Variants in SLC12A2 observed in about 807,000 individuals in gnomAD.
The protein encoded by SLC12A2 is Na-K-2Cl cotransporter 1.
SLC12A2 carries 67 observed loss-of-function variants against 136.3 expected under a neutral mutation model. The ratio of observed to expected loss-of-function variants is 0.49; its 90% CI spans 0.40 to 0.60. SLC12A2 has a LOEUF of 0.60. SLC12A2 is among the 20% of genes least tolerant of loss of function. SLC12A2 has a pLI of 0.00. For missense variants in SLC12A2, 1,322 were observed against 1,534.7 expected, an observed-to-expected ratio of 0.86 and a Z score of 2.32; for synonymous variants, 619 against 562.9, an observed-to-expected ratio of 1.10 and a Z score of -1.41.
In SLC12A2 at chr5:128,133,160, A is replaced by G. The variant is rs1045906611; in HGVS notation, c.1189-1005A>G. Among the ~76,000 whole-genome samples the G allele has an allele frequency of 2.0e-5, 3 of 152,238 alleles. No homozygotes were observed. In the East Asian group the frequency reaches 5.8e-4, roughly 29 times the overall value. The stretch of plus-strand genomic sequence containing the variant: ...TCAAGAGATGTCGAAATCAAATTTA[A>G]AAAAACACTAAAAAATTTTTTTGCA... On this transcript the variant is annotated intron_variant, in intron 5 of 26. Coordinates refer to ENST00000262461, the MANE Select transcript of SLC12A2 (RefSeq NM_001046.3).
intron 4 of SLC12A2, among the ~76,000 whole-genome samples, chr5:128,119,180 A>G (rs747696961): frequency 3.3e-5 from 5 of 152,216 alleles, no homozygotes; most frequent in Non-Finnish European, 7.3e-5. Flanking sequence ...AGCTAGAATT[A>G]TCCAGAGGAC....
intron 23 of SLC12A2, 39 bp downstream of exon 23, chr5:128,181,033 C>CACTTCATT: frequency 9.1e-7 from 1 of 1,093,126 alleles, no homozygotes; most frequent in Non-Finnish European, 1.4e-6. Context: ...AATCTATTAG[C>CACTTCATT]ACTTCATTGC....
At chr5:128,182,427 C>T (rs1012830335) in intron 23 of SLC12A2, among the ~76,000 whole-genome samples, 3 of 152,076 alleles carry the variant, frequency 2.0e-5, no homozygotes, top group Non-Finnish European at 4.4e-5. Context: ...ACTATATCTT[C>T]AGTATGGCCC....
intron 1 of SLC12A2, among the ~76,000 whole-genome samples, chr5:128,106,028 C>CT (rs1760922308): frequency 6.6e-6 from 1 of 152,080 alleles, no homozygotes; most frequent in African/African-American, 2.4e-5. Flanking sequence ...CCATTCTTTC[C>CT]TTTATCTCTT....
rs1763040303 is a variant in SLC12A2 at position 128,161,644 on chromosome 5, A to C, written c.2476-16A>C. On this transcript the variant is annotated splice_polypyrimidine_tract_variant and intron_variant, in intron 16 of 26. Coordinates refer to ENST00000262461, the MANE Select transcript of SLC12A2 (RefSeq NM_001046.3). The stretch of plus-strand genomic sequence containing the variant: ...TACCTTTTAATTAAATATATTATTA[A>C]TATTTTTATTCAAAGGGTCCTCGAA... The C allele has an allele frequency of 7.5e-7, 1 of 1,341,122 alleles. No individual in the cohort carries two copies. 83.1% of individuals were successfully genotyped at this position (1,341,122 alleles called of 1,614,324 possible).
intron 1 of SLC12A2, among the ~76,000 whole-genome samples, chr5:128,097,679 G>A (rs1760594011): frequency 6.6e-6 from 1 of 152,004 alleles, no homozygotes. Flanking sequence ...TTTTAAAACA[G>A]TACTTTCTCT....
intron 17 of SLC12A2, among the ~76,000 whole-genome samples, 165 bp from the exon 18 acceptor site, chr5:128,167,596 G>A (rs537162710): frequency 3.2e-4 from 48 of 152,030 alleles, no homozygotes; most frequent in Non-Finnish European, 6.9e-4. Flanking sequence ...TAATATCAAT[G>A]GAATAGTATA....
Position 128,084,632 on chromosome 5 carries a change from C to T in SLC12A2, c.678C>T (p.His226=). The T allele has an allele frequency of 6.2e-7, 1 of 1,613,470 alleles. No homozygotes were observed. The highest frequency in any genetic ancestry group is 8.5e-7 in the Non-Finnish European group (1 of 1,179,952). ...NTMDAVPRID[H]YRHTAAQLGE... ...TGGACGCTGTGCCCAGGATCGATCA[C>T]TACCGGCACACAGCCGCGCAGCTGG... The change falls in exon 1 of 27, where the codon CAC becomes CAT. Residue 226 remains histidine (H), a synonymous_variant. Coordinates refer to ENST00000262461, the MANE Select transcript of SLC12A2 (RefSeq NM_001046.3). The surrounding 1 kb of genome is among the most constrained non-coding windows in gnomAD (Gnocchi z 5.6).
At position 128,158,102 on chromosome 5, in the gene SLC12A2, C is replaced by T; in HGVS notation, c.2413C>T (p.Leu805Phe). ...TGCTCCAAACTCACGTCCAGCTTTA[C>T]TTCATCTTGTTCATGATTTCACAAA... ...TGAPNSRPALLHLVHDFTKNV... is the reference protein window; with the variant it reads ...TGAPNSRPALFHLVHDFTKNV... The change falls in exon 16 of 27, where the codon CTT (leucine) becomes TTT (phenylalanine). Residue 805 changes from leucine to phenylalanine, a missense_variant. Transcript: ENST00000262461. 6.2e-7 allele frequency: 1 copy of T among 1,613,684 alleles called. No homozygotes were observed. Among genetic ancestry groups the T allele is most frequent in the Non-Finnish European group, 8.5e-7 (1 of 1,179,770 alleles).
chr5:128,151,579 T>C (rs1762704602), intron 14 of SLC12A2, among the ~76,000 whole-genome samples, 183 bp downstream of exon 14: 1 of 152,052 alleles, frequency 6.6e-6, no homozygotes. Context: ...CAAATACATG[T>C]AGTTTTAATA....
Position 128,167,698 on chromosome 5 carries a change from AC to A in SLC12A2, c.2617-62del, listed in dbSNP as rs1259574335. The stretch of plus-strand genomic sequence containing the variant: ...TGTCAATTTGGAGGACAGTTTTATC[AC>A]TTCAGAAAACATTTTGTTGAAAATA... On this transcript the variant is annotated intron_variant, in intron 17 of 26. Coordinates refer to ENST00000262461, the MANE Select transcript of SLC12A2 (RefSeq NM_001046.3). 6 of 1,154,272 alleles carry A rather than the reference AC, an allele frequency of 5.2e-6. No homozygotes were observed. The African/African-American group carries it at 9.5e-5, about 18-fold the overall frequency. The allele number at this position is 1,154,272 out of a possible 1,614,324, so 71.5% of individuals were successfully genotyped here.
chr5:128,123,351 G>A (rs1258049472), intron 4 of SLC12A2, among the ~76,000 whole-genome samples: 2 of 152,012 alleles, frequency 1.3e-5, no homozygotes, highest in Non-Finnish European at 2.9e-5. Flanking sequence ...TTGTAAACCA[G>A]GATACTGGAA....
At chr5:128,124,173 T>G (rs1761690961) in intron 4 of SLC12A2, among the ~76,000 whole-genome samples, 1 of 152,204 alleles carries the variant, frequency 6.6e-6, no homozygotes, top group South Asian at 2.1e-4. Flanking sequence ...GTTCTGCACA[T>G]TAGGTAATAG....
chr5:128,110,736 C>T (rs532239604), intron 1 of SLC12A2: 20 of 1,454,946 alleles, frequency 1.4e-5, no homozygotes, highest in East Asian at 1.1e-4. Context: ...GCAACCTGAG[C>T]GATCTGCTAG....
rs1039421948 is a variant in SLC12A2, at chr5:128,178,685, T to G, written c.3096T>G (p.Asp1032Glu). The G allele has an allele frequency of 6.4e-7, 1 of 1,563,204 alleles. No individual in the cohort carries two copies. Among genetic ancestry groups the G allele is most frequent in the African/African-American group, 1.4e-5 (1 of 72,128 alleles). The change falls in exon 22 of 27, where the codon GAT (aspartate) becomes GAG (glutamate). Residue 1032 changes from aspartate (D) to glutamate (E), a missense_variant. By Grantham distance (45) the Asp-to-Glu change is conservative. Around this residue, in one of 8 missense-constraint regions of SLC12A2, gnomAD observed 172 missense variants for 227.4 expected, o/e 0.76. Coordinates refer to ENST00000262461, the MANE Select transcript of SLC12A2 (RefSeq NM_001046.3). Reference sequence around the variant, plus strand: ...TTGATGTCTGGTGGCTTTTTGATGATGGAGGTAAGGTTGTTAATTTTTTTA... The same window carrying G: ...TTGATGTCTGGTGGCTTTTTGATGAGGGAGGTAAGGTTGTTAATTTTTTTA... ...NTIDVWWLFD[D>E]GGLTLLIPYL...
Position 128,141,853 on chromosome 5 carries a change from A to C in SLC12A2, c.1645A>C (p.Thr549Pro). 6.2e-7 allele frequency: 1 copy of C among 1,613,146 alleles called. No individual in the cohort carries two copies. The change falls in exon 10 of 27, where the codon ACT becomes CCT. Residue 549 changes from threonine to proline, a missense_variant. By Grantham distance (38) the Thr-to-Pro change is conservative. Transcript: ENST00000262461. ...SVGSCVVRDA[T>P]GNVNDTIVTE... The stretch of plus-strand genomic sequence containing the variant: ...AGGTTCTTGTGTTGTTCGAGATGCC[A>C]CTGGAAACGTTAATGACACTATCGT...
At chr5:128,086,053 G>A (rs1028221433) in intron 1 of SLC12A2, among the ~76,000 whole-genome samples, 1 of 152,192 alleles carries the variant, frequency 6.6e-6, no homozygotes, top group East Asian at 1.9e-4. Flanking sequence ...TAGATATGGA[G>A]CTGGCAATTT....
At chr5:128,151,659 A>G (rs1033589186) in intron 14 of SLC12A2, among the ~76,000 whole-genome samples, 1 of 151,962 alleles carries the variant, frequency 6.6e-6, no homozygotes, top group African/African-American at 2.4e-5. Flanking sequence ...TCCTATTTGT[A>G]GAAAAAGAAT....
chr5:128,117,007 A>C (rs1474749091), intron 4 of SLC12A2, among the ~76,000 whole-genome samples: 1 of 152,228 alleles, frequency 6.6e-6, no homozygotes, highest in East Asian at 1.9e-4. Flanking sequence ...TGAAAGTATT[A>C]GTCTTAAAAT....
Sources: allele counts gnomAD v4.1 joint callset (sites outside exome capture counted in the v4.1 genomes callset), GRCh38; gene constraint gnomAD v4.1.1; regional missense constraint gnomAD v4.1.1; non-coding constraint Gnocchi (gnomAD v3.1); transcripts MANE v1.5; gene names NCBI Gene and HGNC (gene_info 2026-07-23, HGNC 2026-07-21).